Variants in NRTN observed in about 807,000 individuals in gnomAD.
The protein encoded by NRTN is prepro-neurturin.
Under a neutral mutation model 7.5 loss-of-function variants are expected in NRTN, and 3 were observed. That is an observed-to-expected ratio of 0.40 (90% CI 0.18 to 1.03). The LOEUF is 1.03. NRTN is among the 50% of genes least tolerant of loss of function. The probability of loss-of-function intolerance (pLI) is 0.34; values close to 1 mark genes in which losing one functional copy is unlikely to be tolerated. For synonymous variants in NRTN, 157 were observed against 146.6 expected (o/e 1.07, Z -0.51); for missense variants, 310 against 307.0 (o/e 1.01, Z -0.07).
At position 5,806,809 on chromosome 19, in the gene NRTN, GT is replaced by G; in HGVS notation, c.-399+1362del. Among the ~76,000 whole-genome samples the G allele has an allele frequency of 6.6e-6, 1 of 152,364 alleles. No individual in the cohort carries two copies. The highest frequency in any genetic ancestry group is 1.5e-5 in the Non-Finnish European group (1 of 68,044). On this transcript the variant is annotated intron_variant, in intron 1 of 2. Coordinates refer to ENST00000303212, the MANE Select transcript of NRTN (RefSeq NM_004558.5). This position sits in a 1 kb window ranked among gnomAD's most constrained non-coding sequence, Gnocchi z 5.4. ...TGGCCCCTCGGCGTTTCAGGTCCCA[GT>G]TTTCAGGGAGCGAACAGAGGAGACA...
At chr19:5,827,707 G>T in intron 2 of NRTN, 42 bp from the exon 3 acceptor site, 1 of 764,276 alleles carries the variant, frequency 1.3e-6, no homozygotes, top group Non-Finnish European at 1.7e-6. Flanking sequence ...CCCACCCCCT[G>T]CACCCACTGA....
At chr19:5,808,176 T>G (rs1473533008) in intron 1 of NRTN, among the ~76,000 whole-genome samples, 1 of 152,218 alleles carries the variant, frequency 6.6e-6, no homozygotes, top group Non-Finnish European at 1.5e-5. Flanking sequence ...TTAACCTTCA[T>G]CTGGGGTCTG....
chr19:5,827,829 C>T lies in NRTN; in HGVS notation c.250C>T (p.Arg84Cys). The T allele has an allele frequency of 8.6e-7, 1 of 1,163,208 alleles. No homozygotes were observed. Among genetic ancestry groups the T allele is most frequent in the Non-Finnish European group, 1.1e-6 (1 of 946,578 alleles). 72.1% of individuals were successfully genotyped at this position (1,163,208 alleles called of 1,614,324 possible). A position where few individuals can be genotyped will look rare whatever the true frequency, so the allele number is the denominator to read the frequency against. Residue 84 changes from arginine to cysteine, a missense_variant, in exon 3 of 3, where the codon CGC becomes TGC. By Grantham distance (180) the Arg-to-Cys change is radical. Transcript: ENST00000303212. ...CTGGGCTGGGCGGCCCCCAGGTCCG[C>T]GCCGTCGGGCGGGGCCCCGGCGGCG... ...TPWAGRPPGPRRRAGPRRRRA... is the reference protein window; with the variant it reads ...TPWAGRPPGPCRRAGPRRRRA...
In NRTN at chr19:5,828,307, T is replaced by TA. The variant is rs2057057691; in HGVS notation, c.*137dup. 1 of 999,788 alleles carries TA rather than the reference T, an allele frequency of 1.0e-6. No individual in the cohort carries two copies. The highest frequency in any genetic ancestry group is 3.5e-5 in the Admixed American group (1 of 28,842). The allele number at this position is 999,788 out of a possible 1,614,324, so 61.9% of individuals were successfully genotyped here. A position where few individuals can be genotyped will look rare whatever the true frequency, so the allele number is the denominator to read the frequency against. The stretch of plus-strand genomic sequence containing the variant: ...GACTCTCGCGATAACTGTACTGAGA[T>TA]AAAGTGTGGCAACTCGAGCTGGCTG... On this transcript the variant is annotated 3_prime_UTR_variant, in exon 3 of 3. Coordinates refer to ENST00000303212, the MANE Select transcript of NRTN (RefSeq NM_004558.5).
intron 2 of NRTN, among the ~76,000 whole-genome samples, chr19:5,826,289 G>C (rs1386948220): frequency 1.3e-5 from 2 of 152,130 alleles, no homozygotes; most frequent in African/African-American, 2.4e-5. Flanking sequence ...GGCCACTCCA[G>C]TCCTGCTCCG....
At chr19:5,813,632 C>T (rs1432630540) in intron 1 of NRTN, among the ~76,000 whole-genome samples, 1 of 151,398 alleles carries the variant, frequency 6.6e-6, no homozygotes, top group Non-Finnish European at 1.5e-5. Context: ...TGTGATCATG[C>T]CACTGCACTC....
chr19:5,807,813 T>G (rs1256474971), intron 1 of NRTN, among the ~76,000 whole-genome samples: 1 of 152,232 alleles, frequency 6.6e-6, no homozygotes, highest in Non-Finnish European at 1.5e-5. Context: ...CCAGGTGCAG[T>G]GGCTCATGCC....
chr19:5,824,453 C>T lies in NRTN; in HGVS notation c.169+119C>T, dbSNP rs1053293683. 4.6e-6 allele frequency: 6 copies of T among 1,290,494 alleles called. No homozygotes were observed. In the African/African-American group the frequency reaches 8.8e-5, roughly 19 times the overall value. The allele number at this position is 1,290,494 out of a possible 1,614,324, so 79.9% of individuals were successfully genotyped here. A position where few individuals can be genotyped will look rare whatever the true frequency, so the allele number is the denominator to read the frequency against. ...TTTTTTAAAGATAGGGCCAGCCAGC[C>T]CCCTTGCAGGGAGGCAGGGACAGAC... On this transcript the variant is annotated intron_variant, in intron 2 of 2. Coordinates refer to ENST00000303212, the MANE Select transcript of NRTN (RefSeq NM_004558.5).
chr19:5,815,942 G>A (rs1392985818), intron 1 of NRTN, among the ~76,000 whole-genome samples: 11 of 151,632 alleles, frequency 7.3e-5, no homozygotes, highest in Admixed American at 7.2e-4. Flanking sequence ...ATGGGGTTTT[G>A]CCATGTTGGC....
At chr19:5,823,533 C>T (rs73554357) in intron 1 of NRTN, among the ~76,000 whole-genome samples, 4,260 of 152,270 alleles carry the variant, frequency 0.028, 203 homozygotes, top group African/African-American at 0.097. Context: ...ACTCCATGTC[C>T]AGGGCAGCTC....
intron 1 of NRTN, among the ~76,000 whole-genome samples, chr19:5,819,538 C>T (rs1316141763): frequency 6.6e-6 from 1 of 152,184 alleles, no homozygotes; most frequent in Non-Finnish European, 1.5e-5. Context: ...TGGCACATGC[C>T]TGTAGTCCCA....
chr19:5,821,641 A>ATTCATTCAT (rs141271136), intron 1 of NRTN, among the ~76,000 whole-genome samples: 1 of 122,896 alleles, frequency 8.1e-6, no homozygotes, highest in Non-Finnish European at 1.8e-5. Flanking sequence ...TCATTCATTC[A>ATTCATTCAT]TCATTCAGCA....
At position 5,827,841 on chromosome 19, in the gene NRTN, G is replaced by C. The variant is rs2057053260; in HGVS notation, c.262G>C (p.Gly88Arg). The C allele has an allele frequency of 8.6e-7, 1 of 1,168,354 alleles. No homozygotes were observed. The highest frequency in any genetic ancestry group is 1.6e-5 in the African/African-American group (1 of 61,386). The allele number at this position is 1,168,354 out of a possible 1,614,324, so 72.4% of individuals were successfully genotyped here. ...GCCCCCAGGTCCGCGCCGTCGGGCG[G>C]GGCCCCGGCGGCGGCGCGCGCGTGC... The part of the protein sequence containing the change: ...GRPPGPRRRA[G>R]PRRRRARARL... The change falls in exon 3 of 3, where the codon GGG becomes CGG. Residue 88 changes from glycine (G) to arginine (R), a missense_variant. Physicochemically the swap from Gly to Arg is moderately radical, Grantham distance 125. Coordinates refer to ENST00000303212, the MANE Select transcript of NRTN (RefSeq NM_004558.5).
chr19:5,810,215 C>T (rs368783144), intron 1 of NRTN, among the ~76,000 whole-genome samples: 4 of 146,922 alleles, frequency 2.7e-5, no homozygotes, highest in East Asian at 4.1e-4. Flanking sequence ...TGTAGTGAGC[C>T]GAGATCGCGC....
chr19:5,813,730 C>T (rs2144758673), intron 1 of NRTN, among the ~76,000 whole-genome samples: 1 of 151,374 alleles, frequency 6.6e-6, no homozygotes, highest in East Asian at 2.0e-4. Flanking sequence ...GTCCCAGTTA[C>T]TCGGGAGGCT....
rs2056974966 is a variant in NRTN at position 5,806,268 on chromosome 19, T to C, written c.-399+817T>C. 6.6e-6 allele frequency among the ~76,000 whole-genome samples: 1 copy of C among 151,812 alleles called. No homozygotes were observed. The highest frequency in any genetic ancestry group is 1.5e-5 in the Non-Finnish European group (1 of 67,932). On this transcript the variant is annotated intron_variant, in intron 1 of 2. Transcript: ENST00000303212. The surrounding 1 kb of genome is among the most constrained non-coding windows in gnomAD (Gnocchi z 5.4). ...AGAGAAATGGCTCTCCCAGGGTGAATGCCACCACTGTCCCCTCCCCAGAAC... is the reference window on the plus strand; with the variant it reads ...AGAGAAATGGCTCTCCCAGGGTGAACGCCACCACTGTCCCCTCCCCAGAAC...
Position 5,827,955 on chromosome 19 carries a change from C to T in NRTN, c.376C>T (p.Leu126=), listed in dbSNP as rs773435600. The change falls in exon 3 of 3, where the codon CTG becomes TTG. Residue 126 remains leucine, a synonymous_variant. Coordinates refer to ENST00000303212, the MANE Select transcript of NRTN (RefSeq NM_004558.5). The part of the protein sequence containing the change: ...GLGYASDETV[L]FRYCAGACEA... The stretch of plus-strand genomic sequence containing the variant: ...GGGCTACGCGTCCGACGAGACGGTG[C>T]TGTTCCGCTACTGCGCAGGCGCCTG... The T allele has an allele frequency of 1.3e-6, 2 of 1,489,466 alleles. No individual in the cohort carries two copies. Among genetic ancestry groups the T allele is most frequent in the Non-Finnish European group, 1.8e-6 (2 of 1,126,320 alleles). 92.3% of individuals were successfully genotyped at this position (1,489,466 alleles called of 1,614,324 possible).
chr19:5,808,502 T>C (rs959423081), intron 1 of NRTN, among the ~76,000 whole-genome samples: 1 of 152,142 alleles, frequency 6.6e-6, no homozygotes, highest in Non-Finnish European at 1.5e-5. Flanking sequence ...ACACGCTCCC[T>C]AGCCTCCCTC....
At chr19:5,825,004 C>G (rs578241795) in intron 2 of NRTN, among the ~76,000 whole-genome samples, 1 of 151,578 alleles carries the variant, frequency 6.6e-6, no homozygotes, top group East Asian at 1.9e-4. Context: ...GCAGGGGGGG[C>G]GGTGGGAGGA....
Sources: allele counts gnomAD v4.1 joint callset (sites outside exome capture counted in the v4.1 genomes callset), GRCh38; gene constraint gnomAD v4.1.1; non-coding constraint Gnocchi (gnomAD v3.1); transcripts MANE v1.5; gene names NCBI Gene and HGNC (gene_info 2026-07-23, HGNC 2026-07-21).